PDE1A: variants seen among roughly 807,000 people sequenced by gnomAD.
PDE1A encodes dual specificity calcium/calmodulin-dependent 3',5'-cyclic nucleotide phosphodiesterase 1A.
PDE1A carries 35 observed loss-of-function variants against 61.7 expected under a neutral mutation model. The observed-to-expected ratio is 0.57, with a 90% confidence interval of 0.43 to 0.75. The LOEUF is 0.75. Ranked by LOEUF, PDE1A falls within the 30% of genes least tolerant of loss-of-function variation. PDE1A has a pLI of 0.00. For missense variants in PDE1A, 597 were observed against 630.6 expected, an observed-to-expected ratio of 0.95 and a Z score of 0.57; for synonymous variants, 232 against 213.2, an observed-to-expected ratio of 1.09 and a Z score of -0.77.
chr2:182,597,779 TACA>T, the PDE1A span, among the ~76,000 whole-genome samples: 3 of 152,230 alleles, frequency 2.0e-5, no homozygotes, highest in Non-Finnish European at 2.9e-5. Flanking sequence ...ATATCTTCCC[TACA>T]ACAACTGCGG....
the PDE1A span, among the ~76,000 whole-genome samples, chr2:182,544,359 A>G: frequency 1.7e-3 from 262 of 152,332 alleles, 1 homozygote; most frequent in African/African-American, 6.1e-3. Context: ...TTTATGGTCA[A>G]GTTTTAGTAT....
rs778098560 is a variant in PDE1A at position 182,240,294 on chromosome 2, T to G, written c.168-2A>C. 9 of 1,534,282 alleles carry G rather than the reference T, an allele frequency of 5.9e-6. No homozygotes were observed. The highest frequency in any genetic ancestry group is 7.9e-6 in the Non-Finnish European group (9 of 1,143,452). On this transcript the variant is annotated splice_acceptor_variant, in intron 2 of 13. Transcript: ENST00000351439. LOFTEE classifies it high-confidence loss of function. The stretch of plus-strand genomic sequence containing the variant: ...TCATCTTCAGTATCCAGAAGTCTTC[T>G]ACAAAAATTTATACAGATTAAACTT...
intron 1 of PDE1A, among the ~76,000 whole-genome samples, chr2:182,269,196 A>C (rs2125809028): frequency 6.6e-6 from 1 of 152,232 alleles, no homozygotes; most frequent in East Asian, 1.9e-4. Flanking sequence ...GTAGCTAAAA[A>C]CCCTTTGCAT....
chr2:182,401,963 A>ACTT (rs1429768442), intron 1 of PDE1A, among the ~76,000 whole-genome samples: 1 of 152,218 alleles, frequency 6.6e-6, no homozygotes, highest in African/African-American at 2.4e-5. Context: ...AATACAACTT[A>ACTT]CAAGGGATGA....
intron 1 of PDE1A, among the ~76,000 whole-genome samples, chr2:182,291,285 CA>C (rs2125885884): frequency 6.7e-6 from 1 of 148,758 alleles, no homozygotes; most frequent in East Asian, 2.0e-4. Context: ...CAGAGATTTC[CA>C]AAAGAAATTT....
chr2:182,683,095 C>A, the PDE1A span, among the ~76,000 whole-genome samples: 1 of 137,872 alleles, frequency 7.3e-6, no homozygotes, highest in African/African-American at 2.6e-5. Context: ...TTTTTCTTTT[C>A]TTTTTTTTTT....
chr2:182,207,961 G>T (rs1373101400), intron 7 of PDE1A, among the ~76,000 whole-genome samples: 1 of 152,242 alleles, frequency 6.6e-6, no homozygotes, highest in East Asian at 1.9e-4. Flanking sequence ...AGGCCTGTAG[G>T]TATGCAGACA....
At chr2:182,147,082 T>C (rs754222248) in exon 14 of PDE1A, 20 of 1,600,032 alleles carry the variant, frequency 1.2e-5, no homozygotes, top group Middle Eastern at 1.7e-4. Context: ...TTCGGGCCTA[T>C]GAATGTGTCT....
intron 2 of PDE1A, among the ~76,000 whole-genome samples, chr2:182,465,000 CTG>C (rs1238263203): frequency 1.3e-5 from 2 of 152,092 alleles, no homozygotes; most frequent in African/African-American, 4.8e-5. Context: ...AAAATATTAA[CTG>C]TATGTTAAAA....
the PDE1A span, among the ~76,000 whole-genome samples, chr2:182,695,150 C>T: frequency 6.6e-6 from 1 of 151,934 alleles, no homozygotes; most frequent in Non-Finnish European, 1.5e-5. Context: ...GCATGGCTAG[C>T]CTGACATGTA....
chr2:182,633,581 G>A, the PDE1A span, among the ~76,000 whole-genome samples: 19 of 152,274 alleles, frequency 1.2e-4, no homozygotes, highest in Non-Finnish European at 2.5e-4. Context: ...CCTGAGTCAT[G>A]GATTTCTTCT....
At chr2:182,194,550 G>A (rs920069194) in intron 10 of PDE1A, among the ~76,000 whole-genome samples, 1 of 151,956 alleles carries the variant, frequency 6.6e-6, no homozygotes, top group African/African-American at 2.4e-5. Context: ...ATGAGAACTC[G>A]CTCTACTGCC....
the PDE1A span, among the ~76,000 whole-genome samples, chr2:182,564,921 T>C: frequency 6.6e-6 from 1 of 152,190 alleles, no homozygotes; most frequent in African/African-American, 2.4e-5. Flanking sequence ...TTTAAGCACT[T>C]CTCTGTATTG....
At chr2:182,558,762 T>C in the PDE1A span, among the ~76,000 whole-genome samples, 1 of 152,230 alleles carries the variant, frequency 6.6e-6, no homozygotes, top group Admixed American at 6.5e-5. Context: ...TAAATCATAG[T>C]GTACAGTATT....
intron 2 of PDE1A, among the ~76,000 whole-genome samples, chr2:182,515,255 T>C (rs1450985867): frequency 6.6e-6 from 1 of 152,224 alleles, no homozygotes; most frequent in Non-Finnish European, 1.5e-5. Context: ...TTTTTATAAT[T>C]TACTTTTTTG....
At chr2:182,610,956 A>C in the PDE1A span, among the ~76,000 whole-genome samples, 1 of 152,252 alleles carries the variant, frequency 6.6e-6, no homozygotes, top group Non-Finnish European at 1.5e-5. Flanking sequence ...AAAAACACAA[A>C]GTGCAAGCCA....
At chr2:182,220,097 G>GATGAA (rs1288401482) in intron 7 of PDE1A, among the ~76,000 whole-genome samples, 2 of 151,710 alleles carry the variant, frequency 1.3e-5, no homozygotes, top group African/African-American at 4.8e-5. Context: ...CTATCATAAA[G>GATGAA]ATGAAATAAT....
In PDE1A at chr2:182,223,975, A is replaced by G. The variant is rs747167793; in HGVS notation, c.676-11T>C. The G allele has an allele frequency of 5.1e-6, 8 of 1,572,914 alleles. No individual in the cohort carries two copies. Among genetic ancestry groups the G allele is most frequent in the Non-Finnish European group, 7.0e-6 (8 of 1,146,934 alleles). On this transcript the variant is annotated splice_polypyrimidine_tract_variant and intron_variant, in intron 6 of 13. Transcript: ENST00000351439. ...TTCAGTGAGCCAGTGCTAGTAAATT[A>G]CAGAAAGAATCCATTATATTCAAGA...
the PDE1A span, among the ~76,000 whole-genome samples, chr2:182,609,359 C>T: frequency 6.6e-6 from 1 of 152,204 alleles, no homozygotes; most frequent in Non-Finnish European, 1.5e-5. Context: ...GCAGGCTGCC[C>T]CAGCCAGCCT....
Sources: allele counts gnomAD v4.1 joint callset (sites outside exome capture counted in the v4.1 genomes callset), GRCh38; gene constraint gnomAD v4.1.1; transcripts MANE v1.5; gene names NCBI Gene and HGNC (gene_info 2026-07-23, HGNC 2026-07-21).